The following MEF2A variants were observed in gnomAD, a reference collection of about 807,000 sequenced individuals.
MEF2A encodes the protein myocyte enhancer factor 2A.
A neutral mutation model predicts 55.8 loss-of-function variants in MEF2A; 28 were observed. The ratio of observed to expected loss-of-function variants is 0.50; its 90% CI spans 0.37 to 0.69. The LOEUF (loss-of-function observed/expected upper bound fraction) is 0.69, where lower values mean the gene tolerates loss of function less well. MEF2A is among the 30% of genes least tolerant of loss of function. MEF2A has a pLI of 0.00. For missense variants in MEF2A, 528 were observed against 626.2 expected, an observed-to-expected ratio of 0.84 and a Z score of 1.67; for synonymous variants, 239 against 227.1, an observed-to-expected ratio of 1.05 and a Z score of -0.47.
chr15:99,569,314 G>A lies in MEF2A; in HGVS notation c.-225+3210G>A, dbSNP rs74033746. ...TGCCTGATCTCCCTGCATCCCTTCT[G>A]GCTTTTGTTTCTTCTTTCCTCTGAA... On this transcript the variant is annotated intron_variant, in intron 1 of 11. Transcript: ENST00000557942. Among the ~76,000 whole-genome samples, 1,256 of 152,300 alleles carry A rather than the reference G, an allele frequency of 8.2e-3. 22 individuals carry two copies. The highest frequency in any genetic ancestry group is 0.027 in the African/African-American group (1,141 of 41,554).
intron 1 of MEF2A, among the ~76,000 whole-genome samples, chr15:99,590,765 T>C (rs560040350): frequency 6.6e-6 from 1 of 152,138 alleles, no homozygotes; most frequent in East Asian, 1.9e-4. Flanking sequence ...CACTTCCAGT[T>C]TCCTTCCCTT....
chr15:99,690,140 T>G (rs760998149), intron 7 of MEF2A, 101 bp from the exon 8 acceptor site: 3 of 1,131,532 alleles, frequency 2.7e-6, no homozygotes, highest in Non-Finnish European at 3.8e-6. Context: ...AGTTTTGTTA[T>G]AAAATTTATT....
intron 1 of MEF2A, among the ~76,000 whole-genome samples, chr15:99,569,355 C>T (rs533961106): frequency 3.9e-5 from 6 of 152,334 alleles, no homozygotes; most frequent in Non-Finnish European, 8.8e-5. Context: ...TGTAGGTACC[C>T]TGCCCAGTAC....
intron 8 of MEF2A, among the ~76,000 whole-genome samples, chr15:99,697,275 A>T (rs1051917300): frequency 6.6e-6 from 1 of 152,112 alleles, no homozygotes; most frequent in Non-Finnish European, 1.5e-5. Flanking sequence ...ATGCATATAT[A>T]TCGGGAAGAG....
intron 2 of MEF2A, among the ~76,000 whole-genome samples, chr15:99,612,342 G>A (rs190912150): frequency 6.7e-6 from 1 of 149,378 alleles, no homozygotes; most frequent in South Asian, 2.1e-4. Flanking sequence ...GCATGAACCC[G>A]GGAGGCGGAG....
intron 4 of MEF2A, among the ~76,000 whole-genome samples, chr15:99,648,503 T>A (rs1044995059): frequency 1.3e-5 from 2 of 152,118 alleles, no homozygotes; most frequent in African/African-American, 4.8e-5. Context: ...CATGAACAGT[T>A]ATAAGTGATC....
At chr15:99,576,403 AGT>A (rs1964274976) in intron 1 of MEF2A, among the ~76,000 whole-genome samples, 2 of 152,140 alleles carry the variant, frequency 1.3e-5, no homozygotes, top group Admixed American at 1.3e-4. Flanking sequence ...TTACTTACTC[AGT>A]GAGTATGTTC....
intron 8 of MEF2A, among the ~76,000 whole-genome samples, chr15:99,699,587 TTG>T (rs1269189722): frequency 1.3e-5 from 2 of 152,182 alleles, no homozygotes; most frequent in Non-Finnish European, 2.9e-5. Context: ...GGAATGCATA[TTG>T]TCACACATGA....
chr15:99,709,795 G>A (rs987921611), intron 10 of MEF2A, among the ~76,000 whole-genome samples: 2 of 152,210 alleles, frequency 1.3e-5, no homozygotes, highest in Non-Finnish European at 2.9e-5. Flanking sequence ...CATATGATAT[G>A]AGCTGGGTAT....
At chr15:99,588,245 T>TA (rs1343399727) in intron 1 of MEF2A, among the ~76,000 whole-genome samples, 1 of 152,036 alleles carries the variant, frequency 6.6e-6, no homozygotes, top group African/African-American at 2.4e-5. Context: ...GCCTCCTAAG[T>TA]ATTTGGGACC....
At chr15:99,666,410 C>T (rs565381775) in intron 4 of MEF2A, among the ~76,000 whole-genome samples, 19 of 151,818 alleles carry the variant, frequency 1.3e-4, no homozygotes, top group Non-Finnish European at 2.1e-4. Flanking sequence ...GGACACGGAG[C>T]GGAACATCAC....
At position 99,641,872 on chromosome 15, in the gene MEF2A, T is replaced by C. The variant is rs569826899; in HGVS notation, c.55-3689T>C. Among the ~76,000 whole-genome samples, 7 of 152,352 alleles carry C rather than the reference T, an allele frequency of 4.6e-5. No homozygotes were observed. In the South Asian group the frequency reaches 1.4e-3, roughly 32 times the overall value. On this transcript the variant is annotated intron_variant, in intron 3 of 11. Coordinates refer to ENST00000557942, the MANE Select transcript of MEF2A (RefSeq NM_001319206.4). ...CCTTTACAGATTTATTCAACAAATT[T>C]GTTTAGCACCGCCTCACTGCCACAC...
rs1442826566 is a variant in MEF2A, at chr15:99,703,383, TTGGTGAG to T, written c.882+1_882+7del. 6.2e-7 allele frequency: 1 copy of T among 1,608,540 alleles called. No homozygotes were observed. The highest frequency in any genetic ancestry group is 8.5e-7 in the Non-Finnish European group (1 of 1,177,390). The stretch of plus-strand genomic sequence containing the variant: ...ACAGTCGGAGGAAGAGGAATTGGAG[TTGGTGAG>T]TGTGGGTTTCTGCTTGAAGGAAGTT... On this transcript the variant is annotated splice_donor_variant and splice_donor_5th_base_variant and coding_sequence_variant and intron_variant, in exon 9 of 12. Coordinates refer to ENST00000557942, the MANE Select transcript of MEF2A (RefSeq NM_001319206.4). LOFTEE classifies it high-confidence loss of function.
chr15:99,588,027 TTACCATTAA>T (rs1967942095), intron 1 of MEF2A, among the ~76,000 whole-genome samples: 1 of 152,242 alleles, frequency 6.6e-6, no homozygotes, highest in Non-Finnish European at 1.5e-5. Flanking sequence ...AATTAGTCTT[TTACCATTAA>T]GTATGATCTT....
At chr15:99,572,230 G>A (rs1371146336) in intron 1 of MEF2A, among the ~76,000 whole-genome samples, 1 of 151,988 alleles carries the variant, frequency 6.6e-6, no homozygotes, top group African/African-American at 2.4e-5. Context: ...AGGCCTCTCA[G>A]TGTTTCTTAA....
intron 1 of MEF2A, among the ~76,000 whole-genome samples, chr15:99,579,744 G>A (rs1372654256): frequency 2.0e-5 from 3 of 152,054 alleles, no homozygotes; most frequent in Non-Finnish European, 2.9e-5. Flanking sequence ...CTAGTTTATT[G>A]ATTCCCTCTT....
At chr15:99,696,105 A>AT (rs1034479582) in intron 8 of MEF2A, among the ~76,000 whole-genome samples, 1 of 152,216 alleles carries the variant, frequency 6.6e-6, no homozygotes, top group African/African-American at 2.4e-5. Flanking sequence ...AACCTTCAAA[A>AT]TACATAAAGT....
chr15:99,709,677 T>C (rs995528884), intron 10 of MEF2A, among the ~76,000 whole-genome samples: 6 of 152,252 alleles, frequency 3.9e-5, no homozygotes, highest in African/African-American at 1.4e-4. Context: ...CACCTCTCTT[T>C]GGAACCAAGT....
chr15:99,573,965 A>C (rs8036336), intron 1 of MEF2A, among the ~76,000 whole-genome samples: 1 of 152,244 alleles, frequency 6.6e-6, no homozygotes, highest in East Asian at 1.9e-4. Flanking sequence ...GGAGAGAAGA[A>C]TCTAGGAGTT....
Sources: allele counts gnomAD v4.1 joint callset (sites outside exome capture counted in the v4.1 genomes callset), GRCh38; gene constraint gnomAD v4.1.1; transcripts MANE v1.5; gene names NCBI Gene and HGNC (gene_info 2026-07-23, HGNC 2026-07-21).